PTPRA: variants seen among roughly 807,000 people sequenced by gnomAD.
PTPRA encodes the protein receptor-type tyrosine-protein phosphatase alpha.
In PTPRA, 25 loss-of-function variants were observed where a neutral mutation model predicts 104.8. That is an observed-to-expected ratio of 0.24 (90% confidence interval 0.17 to 0.33). The LOEUF is 0.33. PTPRA is among the 10% of genes least tolerant of loss of function. The probability of loss-of-function intolerance (pLI) is 1.00; values close to 1 mark genes in which losing one functional copy is unlikely to be tolerated. For missense variants in PTPRA, 765 were observed against 1,015.3 expected (o/e 0.75, Z 3.35); for synonymous variants, 323 against 368.9 (o/e 0.88, Z 1.43).
chr20:2,866,499 C>G, the PTPRA span: 1 of 1,614,178 alleles, frequency 6.2e-7, no homozygotes, highest in Non-Finnish European at 8.5e-7. Context: ...TCGTATTGTC[C>G]CACTGCACGG....
At chr20:2,951,211 T>C (rs1331906646) in intron 3 of PTPRA, among the ~76,000 whole-genome samples, 30 of 152,168 alleles carry the variant, frequency 2.0e-4, no homozygotes, top group Admixed American at 2.0e-3. Flanking sequence ...ACCATTCTCC[T>C]ACCTCTGCCT....
intron 11 of PTPRA, among the ~76,000 whole-genome samples, chr20:3,008,844 G>A (rs1050591374): frequency 5.9e-5 from 9 of 151,994 alleles, no homozygotes; most frequent in African/African-American, 9.7e-5. Context: ...CCCGGGAGGC[G>A]GAGGTTGCAG....
rs535275099 is a variant in PTPRA at position 3,012,642 on chromosome 20, G to C, written c.907-3207G>C. ...CTCAGGAAGTGTTTGGCAGTGAAGA[G>C]GGTTATGTGCAGATTAGAGATCAGT... On this transcript the variant is annotated intron_variant, in intron 11 of 23. Coordinates refer to ENST00000399903, the MANE Select transcript of PTPRA (RefSeq NM_001385305.1). Among the ~76,000 whole-genome samples the C allele has an allele frequency of 4.6e-5, 7 of 152,356 alleles. No homozygotes were observed. In the South Asian group the frequency reaches 1.0e-3, roughly 23 times the overall value.
At position 2,989,704 on chromosome 20, in the gene PTPRA, G is replaced by C. The variant is rs538980586; in HGVS notation, c.738+1230G>C. On this transcript the variant is annotated intron_variant, in intron 9 of 23. Coordinates refer to ENST00000399903, the MANE Select transcript of PTPRA (RefSeq NM_001385305.1). ...CATGAGAGAAGTGGCAAGCCATAGAGCAGCCAGATTTACATCTTGAAAAAA... is the reference window on the plus strand; with the variant it reads ...CATGAGAGAAGTGGCAAGCCATAGACCAGCCAGATTTACATCTTGAAAAAA... Among the ~76,000 whole-genome samples the C allele has an allele frequency of 7.9e-5, 12 of 152,240 alleles. No homozygotes were observed. The East Asian group carries it at 9.7e-4, about 12-fold the overall frequency.
At chr20:3,028,724 G>A (rs2148477158) in intron 20 of PTPRA, among the ~76,000 whole-genome samples, 1 of 152,328 alleles carries the variant, frequency 6.6e-6, no homozygotes, top group African/African-American at 2.4e-5. Flanking sequence ...AGCTAGCAAG[G>A]CCTGGTGAGA....
At chr20:2,998,979 A>G (rs1290335295) in intron 9 of PTPRA, among the ~76,000 whole-genome samples, 1 of 150,720 alleles carries the variant, frequency 6.6e-6, no homozygotes, top group African/African-American at 2.4e-5. Context: ...TTATAGAATT[A>G]ATATGACATA....
chr20:3,036,200 C>T (rs1248479858), intron 22 of PTPRA, among the ~76,000 whole-genome samples: 1 of 152,074 alleles, frequency 6.6e-6, no homozygotes, highest in Non-Finnish European at 1.5e-5. Flanking sequence ...GCAGTGGAGA[C>T]CCCGGTTGTG....
intron 13 of PTPRA, among the ~76,000 whole-genome samples, chr20:3,018,798 C>T (rs1260837481): frequency 1.4e-5 from 2 of 138,422 alleles, no homozygotes; most frequent in Non-Finnish European, 3.0e-5. Context: ...CCAGTAGGGG[C>T]GGCCGGGCAG....
At chr20:2,864,978 C>T in the PTPRA span, 1,102 of 1,614,114 alleles carry the variant, frequency 6.8e-4, 21 homozygotes, top group South Asian at 0.011. This position sits in a 1 kb window ranked among gnomAD's most constrained non-coding sequence, Gnocchi z 5.2. Context: ...GTCTTTATAG[C>T]GTATTGAGGG....
At chr20:3,013,825 GCCACATTTCATCTTT>G (rs2064302181) in intron 11 of PTPRA, among the ~76,000 whole-genome samples, 1 of 152,154 alleles carries the variant, frequency 6.6e-6, no homozygotes, top group African/African-American at 2.4e-5. Flanking sequence ...GAGCCAGGGA[GCCACATTTCATCTTT>G]CCCTTGAACA....
chr20:3,031,956 G>A (rs1429828609), intron 20 of PTPRA, among the ~76,000 whole-genome samples: 2 of 152,134 alleles, frequency 1.3e-5, no homozygotes, highest in African/African-American at 2.4e-5. Context: ...ACACAAAACA[G>A]TGCCAAATGC....
At chr20:2,993,811 A>C (rs1015697036) in intron 9 of PTPRA, among the ~76,000 whole-genome samples, 1 of 152,176 alleles carries the variant, frequency 6.6e-6, no homozygotes, top group Non-Finnish European at 1.5e-5. Context: ...GCATTACCTA[A>C]TGGCCAATGT....
intron 9 of PTPRA, among the ~76,000 whole-genome samples, chr20:2,996,727 A>G (rs1036093612): frequency 6.6e-6 from 1 of 152,244 alleles, no homozygotes; most frequent in Non-Finnish European, 1.5e-5. Context: ...AAGATCAACT[A>G]TATCTAGTAA....
chr20:2,962,517 A>G (rs1308720789), intron 3 of PTPRA, among the ~76,000 whole-genome samples: 2 of 152,230 alleles, frequency 1.3e-5, no homozygotes, highest in Non-Finnish European at 2.9e-5. Flanking sequence ...AAGAATAGAC[A>G]TGTATACATA....
intron 6 of PTPRA, among the ~76,000 whole-genome samples, chr20:2,978,912 G>T (rs546595829): frequency 6.6e-6 from 1 of 152,202 alleles, no homozygotes; most frequent in Admixed American, 6.5e-5. Flanking sequence ...CTGCCTGAGC[G>T]TAGGAAGCTG....
At chr20:2,903,969 A>G (rs1194536854) in intron 1 of PTPRA, among the ~76,000 whole-genome samples, 5 of 151,938 alleles carry the variant, frequency 3.3e-5, no homozygotes, top group South Asian at 2.1e-4. Flanking sequence ...CAGTGGCGCA[A>G]TCATGGCTCA....
rs553715787 is a variant in PTPRA, at chr20:3,015,350, T to C, written c.907-499T>C. On this transcript the variant is annotated intron_variant, in intron 11 of 23. Coordinates refer to ENST00000399903, the MANE Select transcript of PTPRA (RefSeq NM_001385305.1). ...TGGAGTCTTGCTCTGTCACCAAGGC[T>C]GGAGTGCAGTGGCGCAATCTTGGCT... Among the ~76,000 whole-genome samples the C allele has an allele frequency of 5.3e-5, 8 of 150,302 alleles. 1 individual carries two copies. The highest frequency in any genetic ancestry group is 2.0e-4 in the African/African-American group (8 of 40,834).
At chr20:2,870,075 ACT>A (rs11468210), upstream of PTPRA, among the ~76,000 whole-genome samples, 93,545 of 151,306 alleles carry the variant, frequency 0.62, 30,232 homozygotes, top group African/African-American at 0.81. Flanking sequence ...CCAGTGAAAG[ACT>A]CTTGGGGTTG....
At chr20:3,009,853 A>AT (rs11480529) in intron 11 of PTPRA, among the ~76,000 whole-genome samples, 38,278 of 146,104 alleles carry the variant, frequency 0.26, 8,136 homozygotes, top group African/African-American at 0.58. Context: ...AGATGGGAAC[A>AT]TTTTTTTTTT....
Sources: gnomAD v4.1 joint callset for allele counts (sites outside exome capture counted in the v4.1 genomes callset) on GRCh38, gnomAD v4.1.1 for gene constraint, Gnocchi (gnomAD v3.1) non-coding constraint, MANE v1.5 for transcripts, NCBI Gene and HGNC (gene_info 2026-07-23, HGNC 2026-07-21) for gene names.